Variants in RERE observed in about 807,000 individuals in gnomAD.
The protein encoded by RERE is arginine-glutamic acid dipeptide repeats, also known as arginine-glutamic acid dipeptide repeats protein.
Under a neutral mutation model 146.1 loss-of-function variants are expected in RERE, and 40 were observed. That is an observed-to-expected ratio of 0.27 (90% CI 0.21 to 0.36). RERE has a LOEUF of 0.36. Ranked by LOEUF, RERE falls within the 10% of genes least tolerant of loss-of-function variation. The pLI is 1.00. For missense variants in RERE, 1,933 were observed against 2,138.7 expected (o/e 0.90, Z 1.90); for synonymous variants, 1,003 against 866.0 (o/e 1.16, Z -2.78).
At chr1:8,554,678 C>CAA (rs386366172) in intron 6 of RERE, among the ~76,000 whole-genome samples, 24,249 of 100,490 alleles carry the variant, frequency 0.24, 4,680 homozygotes, top group East Asian at 0.62. Context: ...GATCCTGTCT[C>CAA]AAAAAAAAAA....
chr1:8,575,229 G>C (rs1360014988), intron 4 of RERE, among the ~76,000 whole-genome samples: 1 of 152,078 alleles, frequency 6.6e-6, no homozygotes, highest in Non-Finnish European at 1.5e-5. Context: ...GTTAGTAATA[G>C]AGTAGAAACT....
chr1:8,794,812 G>C (rs1450448539), intron 1 of RERE, among the ~76,000 whole-genome samples: 8 of 152,038 alleles, frequency 5.3e-5, no homozygotes, highest in Non-Finnish European at 2.9e-5. Flanking sequence ...CTGCCAGAAG[G>C]TGGGGAGGGA....
chr1:8,605,937 T>C (rs1468757800), intron 4 of RERE, among the ~76,000 whole-genome samples: 2 of 144,348 alleles, frequency 1.4e-5, no homozygotes. Flanking sequence ...CTCAGCCTCC[T>C]GGGCTCAAAC....
chr1:8,678,247 T>C (rs532167475), intron 1 of RERE, among the ~76,000 whole-genome samples: 2 of 152,354 alleles, frequency 1.3e-5, no homozygotes, highest in African/African-American at 4.8e-5. Flanking sequence ...TCCTCTTTTA[T>C]AATCAAAGGG....
chr1:8,634,881 G>A (rs1427459605), intron 2 of RERE, among the ~76,000 whole-genome samples: 1 of 152,034 alleles, frequency 6.6e-6, no homozygotes, highest in Non-Finnish European at 1.5e-5. Flanking sequence ...GACTACAGGT[G>A]CCCACCACCA....
In RERE at chr1:8,607,385, C is replaced by T. The variant is rs181372343; in HGVS notation, c.522+7176G>A. Among the ~76,000 whole-genome samples the T allele has an allele frequency of 5.4e-3, 809 of 150,460 alleles. 1 individual carries two copies. Among genetic ancestry groups the T allele is most frequent in the Middle Eastern group, 0.01 (3 of 290 alleles). On this transcript the variant is annotated intron_variant, in intron 4 of 22. Coordinates refer to ENST00000400908, the MANE Select transcript of RERE (RefSeq NM_001042681.2). ...TCCAAAAAAAAAAAAAAAAGATATT[C>T]CCATCAAAAAATACTACGATATCCT...
chr1:8,473,821 C>T (rs181859036), intron 10 of RERE, among the ~76,000 whole-genome samples: 1 of 152,304 alleles, frequency 6.6e-6, no homozygotes, highest in Admixed American at 6.5e-5. Flanking sequence ...TGTCAAGACA[C>T]TCTGAAATGT....
At chr1:8,773,105 A>C (rs1233969869) in intron 1 of RERE, among the ~76,000 whole-genome samples, 1 of 152,222 alleles carries the variant, frequency 6.6e-6, no homozygotes, top group Non-Finnish European at 1.5e-5. Context: ...AAAATAAAAA[A>C]ATAAGTGAAT....
At chr1:8,563,599 T>C (rs2124437434) in intron 4 of RERE, among the ~76,000 whole-genome samples, 1 of 152,322 alleles carries the variant, frequency 6.6e-6, no homozygotes, top group Non-Finnish European at 1.5e-5. Flanking sequence ...AAGATGGATA[T>C]TAGCAAATAA....
intron 12 of RERE, among the ~76,000 whole-genome samples, chr1:8,415,782 A>C (rs780687969): frequency 6.6e-6 from 1 of 152,248 alleles, no homozygotes; most frequent in Non-Finnish European, 1.5e-5. Context: ...AATAGATTCG[A>C]GCCTCGGCTC....
intron 12 of RERE, among the ~76,000 whole-genome samples, chr1:8,398,358 T>G (rs752828778): frequency 6.6e-5 from 10 of 152,208 alleles, no homozygotes; most frequent in Non-Finnish European, 1.2e-4. Context: ...TGATGAAATC[T>G]CCATAGCTTT....
chr1:8,721,388 T>C (rs754734582), intron 1 of RERE, among the ~76,000 whole-genome samples: 9 of 152,312 alleles, frequency 5.9e-5, no homozygotes, highest in Non-Finnish European at 1.3e-4. Flanking sequence ...CTCGGCTCAC[T>C]GTAACCTCCG....
chr1:8,769,610 C>T (rs1640907560), intron 1 of RERE, among the ~76,000 whole-genome samples: 1 of 151,876 alleles, frequency 6.6e-6, no homozygotes, highest in South Asian at 2.1e-4. Context: ...CTCCCAAGTA[C>T]CTGGGACTAC....
At chr1:8,612,717 A>G (rs2124187590) in intron 4 of RERE, among the ~76,000 whole-genome samples, 1 of 152,358 alleles carries the variant, frequency 6.6e-6, no homozygotes, top group African/African-American at 2.4e-5. Context: ...TCAGCCTGAA[A>G]GTAAAACCTA....
At chr1:8,667,672 G>A (rs554548086) in intron 1 of RERE, among the ~76,000 whole-genome samples, 14 of 152,050 alleles carry the variant, frequency 9.2e-5, no homozygotes, top group Admixed American at 2.0e-4. Context: ...GCAAGACTCC[G>A]TCTCAAAAAA....
rs58647657 is a variant in RERE, at chr1:8,507,737, C to CTTTTTTTTTTTTTTTTTTT, written c.879+871_879+889dup. The stretch of plus-strand genomic sequence containing the variant: ...AAAAGAGGTTTTAAACATCTTTTAT[C>CTTTTTTTTTTTTTTTTTTT]TTTTTTTTTTTTTTTTTTTGAGACA... On this transcript the variant is annotated intron_variant, in intron 8 of 22. Transcript: ENST00000400908. Among the ~76,000 whole-genome samples the CTTTTTTTTTTTTTTTTTTT allele has an allele frequency of 1.4e-4, 12 of 85,948 alleles. 1 individual carries two copies. The highest frequency in any genetic ancestry group is 4.5e-4 in the African/African-American group (9 of 20,032). 56.4% of individuals were successfully genotyped at this position (85,948 alleles called of 152,430 possible). A position where few individuals can be genotyped will look rare whatever the true frequency, so the allele number is the denominator to read the frequency against.
At chr1:8,461,519 CA>C (rs1232105620) in intron 11 of RERE, among the ~76,000 whole-genome samples, 3 of 152,112 alleles carry the variant, frequency 2.0e-5, no homozygotes, top group East Asian at 3.9e-4. Context: ...TCGGCAAAAG[CA>C]AAATTAATTT....
At position 8,677,289 on chromosome 1, in the gene RERE, C is replaced by T. The variant is rs531388642; in HGVS notation, c.-144-20848G>A. Among the ~76,000 whole-genome samples the T allele has an allele frequency of 1.1e-4, 17 of 151,922 alleles. No individual in the cohort carries two copies. In the South Asian group the frequency reaches 2.9e-3, roughly 26 times the overall value. ...TATTAAAAATACAAAATTAGCCAGG[C>T]GTGGTGGCACGTGCCTGTAATCCCA... On this transcript the variant is annotated intron_variant, in intron 1 of 22. Coordinates refer to ENST00000400908, the MANE Select transcript of RERE (RefSeq NM_001042681.2).
At chr1:8,733,939 T>C (rs1195410638) in intron 1 of RERE, among the ~76,000 whole-genome samples, 1 of 152,076 alleles carries the variant, frequency 6.6e-6, no homozygotes, top group Non-Finnish European at 1.5e-5. Flanking sequence ...CCATCTCTAC[T>C]AAAAGACACA....
Sources: allele counts gnomAD v4.1 joint callset (sites outside exome capture counted in the v4.1 genomes callset), GRCh38; gene constraint gnomAD v4.1.1; transcripts MANE v1.5; gene names NCBI Gene and HGNC (gene_info 2026-07-23, HGNC 2026-07-21).